Variants in AMACR observed in about 807,000 individuals in gnomAD.
AMACR encodes alpha-methylacyl-CoA racemase.
Under a neutral mutation model 22.2 loss-of-function variants are expected in AMACR, and 18 were observed. The ratio of observed to expected loss-of-function variants is 0.81; its 90% confidence interval spans 0.56 to 1.20. AMACR has a LOEUF of 1.20. AMACR is among the 50% of genes most tolerant of loss of function. The pLI is 0.00. For missense variants in AMACR, 499 were observed against 490.6 expected, an observed-to-expected ratio of 1.02 and a Z score of -0.16; for synonymous variants, 213 against 191.3, an observed-to-expected ratio of 1.11 and a Z score of -0.94.
chr5:33,998,563 G>A (rs961657958), intron 4 of AMACR, 78 bp downstream of exon 4: 10 of 1,455,342 alleles, frequency 6.9e-6, no homozygotes, highest in African/African-American at 5.7e-5. Context: ...CATCCTAGAT[G>A]CCAAAAGTCT....
At position 33,989,469 on chromosome 5, in the gene AMACR, T is replaced by A. The variant is rs1028903922; in HGVS notation, c.773A>T (p.Gln258Leu). The A allele has an allele frequency of 6.2e-7, 1 of 1,614,132 alleles. No individual in the cohort carries two copies. Among genetic ancestry groups the A allele is most frequent in the Non-Finnish European group, 8.5e-7 (1 of 1,180,046 alleles). Residue 258 changes from glutamine (Q) to leucine (L), a missense_variant, in exon 5 of 5, where the codon CAG becomes CTG. Gln to Leu is a moderately radical substitution (Grantham distance 113, BLOSUM62 -2). Coordinates refer to ENST00000335606, the MANE Select transcript of AMACR (RefSeq NM_014324.6). The part of the protein sequence containing the change: ...LGLKSDELPN[Q>L]MSMDDWPEMK... ...TTCTGGCCAATCATCCATGCTCATC[T>A]GATTGGGAAGTTCATCAGACTTTAG...
At chr5:34,004,900 C>CA (rs1173790088) in intron 2 of AMACR, among the ~76,000 whole-genome samples, 166 bp from the exon 3 acceptor site, 1 of 152,218 alleles carries the variant, frequency 6.6e-6, no homozygotes, top group Non-Finnish European at 1.5e-5. Flanking sequence ...AACTCATAAA[C>CA]AGGCTTTCCC....
chr5:34,005,826 C>A lies in AMACR; in HGVS notation c.321G>T (p.Leu107=). ...AGCTTCCTGACTGGCCAAATCCACT[C>A]AGCCTGGCATAAATAAGCCTTGGAT... ...RENPRLIYAR[L]SGFGQSGSFC... The change falls in exon 2 of 5, where the codon CTG becomes CTT. Residue 107 remains leucine, a synonymous_variant. Coordinates refer to ENST00000335606, the MANE Select transcript of AMACR (RefSeq NM_014324.6). The A allele has an allele frequency of 6.2e-7, 1 of 1,614,154 alleles. No individual in the cohort carries two copies. Among genetic ancestry groups the A allele is most frequent in the Non-Finnish European group, 8.5e-7 (1 of 1,180,026 alleles).
chr5:33,990,344 AG>A (rs1386076663), intron 4 of AMACR, among the ~76,000 whole-genome samples: 1 of 152,342 alleles, frequency 6.6e-6, no homozygotes, highest in African/African-American at 2.4e-5. Flanking sequence ...CCGGCATGAA[AG>A]GGACTTGAAG....
Position 34,005,731 on chromosome 5 carries a change from T to C in AMACR, c.391+25A>G. 4 of 1,613,428 alleles carry C rather than the reference T, an allele frequency of 2.5e-6. No homozygotes were observed. The South Asian group carries it at 3.3e-5, about 13-fold the overall frequency. On this transcript the variant is annotated intron_variant, in intron 2 of 4. Coordinates refer to ENST00000335606, the MANE Select transcript of AMACR (RefSeq NM_014324.6). Reference sequence around the variant, plus strand: ...ATCTTGATGGAATAAATTAAAAGTGTAGACTAAATTTTTTTTCAACATACC... The same window carrying C: ...ATCTTGATGGAATAAATTAAAAGTGCAGACTAAATTTTTTTTCAACATACC...
At chr5:34,002,786 G>A (rs1292882950) in intron 3 of AMACR, among the ~76,000 whole-genome samples, 2 of 152,118 alleles carry the variant, frequency 1.3e-5, no homozygotes, top group African/African-American at 4.8e-5. Flanking sequence ...CCATGAGTAC[G>A]CCAAGAGCTG....
chr5:34,006,902 G>A (rs1753997179), intron 1 of AMACR, among the ~76,000 whole-genome samples: 1 of 152,222 alleles, frequency 6.6e-6, no homozygotes, highest in African/African-American at 2.4e-5. Context: ...CCACTGGAGT[G>A]ATACCAGCCC....
chr5:34,006,892 C>G (rs762542793), intron 1 of AMACR, among the ~76,000 whole-genome samples: 3 of 152,224 alleles, frequency 2.0e-5, no homozygotes, highest in Non-Finnish European at 4.4e-5. Flanking sequence ...GTCTGAGAAT[C>G]CACTGGAGTG....
In AMACR at chr5:33,994,670, A is replaced by T. The variant is rs1159039178; in HGVS notation, c.739+3971T>A. ...CATGCTATCTCCTATAGCACAAGTCATCTGTCAGCTAAGGATCCTAGGTAA... is the reference window on the plus strand; with the variant it reads ...CATGCTATCTCCTATAGCACAAGTCTTCTGTCAGCTAAGGATCCTAGGTAA... On this transcript the variant is annotated intron_variant, in intron 4 of 4. Coordinates refer to ENST00000335606, the MANE Select transcript of AMACR (RefSeq NM_014324.6). Among the ~76,000 whole-genome samples the T allele has an allele frequency of 1.3e-5, 2 of 152,210 alleles. 1 individual carries two copies. Among genetic ancestry groups the T allele is most frequent in the Non-Finnish European group, 2.9e-5 (2 of 68,038 alleles).
In AMACR at chr5:34,007,877, C is replaced by G; in HGVS notation, c.143G>C (p.Arg48Pro). The G allele has an allele frequency of 2.5e-6, 4 of 1,594,788 alleles. No homozygotes were observed. Among genetic ancestry groups the G allele is most frequent in the African/African-American group, 1.3e-5 (1 of 74,764 alleles). ...GTCCAGCACTAGCGAGCGCTTGCCC[C>G]GGCCCAAGCGGCTCACGTCGTAGCG... Reference protein sequence around the residue: ...GSRYDVSRLGRGKRSLVLDLK... With the variant: ...GSRYDVSRLGPGKRSLVLDLK... The change falls in exon 1 of 5, where the codon CGG becomes CCG. Residue 48 changes from arginine to proline, a missense_variant. By Grantham distance (103) the Arg-to-Pro change is moderately radical (BLOSUM62 -2). Coordinates refer to ENST00000335606, the MANE Select transcript of AMACR (RefSeq NM_014324.6).
intron 4 of AMACR, chr5:33,997,558 C>T (rs1253182163): frequency 1.3e-6 from 1 of 775,548 alleles, no homozygotes; most frequent in Middle Eastern, 2.3e-4. Flanking sequence ...ATATCATTTG[C>T]TATCTTCATC....
chr5:33,989,535 G>A, intron 4 of AMACR, 33 bp from the exon 5 acceptor site: 1 of 1,538,170 alleles, frequency 6.5e-7, no homozygotes, highest in Admixed American at 1.7e-5. Context: ...AAATTATTAT[G>A]CTTTGAACAG....
rs750073270 is a variant in AMACR at position 33,989,194 on chromosome 5, T to G, written c.1048A>C (p.Thr350Pro). The G allele has an allele frequency of 1.9e-6, 3 of 1,614,210 alleles. No individual in the cohort carries two copies. The highest frequency in any genetic ancestry group is 2.5e-6 in the Non-Finnish European group (3 of 1,180,032). Residue 350 changes from threonine to proline, a missense_variant, in exon 5 of 5, where the codon ACT (threonine) becomes CCT (proline). Coordinates refer to ENST00000335606, the MANE Select transcript of AMACR (RefSeq NM_014324.6). ...CCAAATTCTTCAAGTATCTCCTCAG[T>G]GTGTTCTCCTATGAAAGGATCCCTT... The part of the protein sequence containing the change: ...FKRDPFIGEH[T>P]EEILEEFGFS...
intron 4 of AMACR, 140 bp from the exon 5 acceptor site, chr5:33,989,642 T>C (rs1263548699): frequency 2.7e-6 from 2 of 740,754 alleles, no homozygotes; most frequent in African/African-American, 3.6e-5. Context: ...GAGAAAAAAA[T>C]GTAAAATCAG....
At position 33,989,141 on chromosome 5, in the gene AMACR, A is replaced by C. The variant is rs1450930660; in HGVS notation, c.1101T>G (p.Leu367=). The C allele has an allele frequency of 6.2e-7, 1 of 1,614,192 alleles. No homozygotes were observed. The highest frequency in any genetic ancestry group is 8.5e-7 in the Non-Finnish European group (1 of 1,180,032). Reference sequence around the variant, plus strand: ...TACTTTCAATGATTTTATCTGAGTTAAGCTGATAAATCTCTTCGCGGCTGA... The same window carrying C: ...TACTTTCAATGATTTTATCTGAGTTCAGCTGATAAATCTCTTCGCGGCTGA... The part of the protein sequence containing the change: ...FGFSREEIYQ[L]NSDKIIESNK... Residue 367 remains leucine (L), a synonymous_variant, in exon 5 of 5, where the codon CTT becomes CTG. Transcript: ENST00000335606.
intron 4 of AMACR, chr5:33,997,052 G>T: frequency 2.8e-6 from 2 of 706,160 alleles, no homozygotes; most frequent in Non-Finnish European, 5.2e-6. Flanking sequence ...AGTCACTTTG[G>T]ACCCAGCATG....
chr5:34,004,777 T>C (rs1278282702), intron 2 of AMACR, 43 bp from the exon 3 acceptor site: 16 of 1,591,344 alleles, frequency 1.0e-5, no homozygotes, highest in Admixed American at 1.7e-5. Context: ...TTAAATTTAA[T>C]CTCTTCTTAA....
At position 33,987,969 on chromosome 5, in the gene AMACR, AG is replaced by A; in HGVS notation, c.*1123del. On this transcript the variant is annotated 3_prime_UTR_variant, in exon 5 of 5. Transcript: ENST00000335606. ...AAACATGAACTAAGAAGCCCTTCTGAGTCTCTGTTTTCTCAACTGTAAGATG... is the reference window on the plus strand; with the variant it reads ...AAACATGAACTAAGAAGCCCTTCTGATCTCTGTTTTCTCAACTGTAAGATG... The A allele has an allele frequency of 5.6e-6, 1 of 180,022 alleles. No individual in the cohort carries two copies. Among genetic ancestry groups the A allele is most frequent in the Non-Finnish European group, 1.2e-5 (1 of 86,800 alleles). The allele number at this position is 180,022 out of a possible 1,614,324, so 11.2% of individuals were successfully genotyped here.
In AMACR at chr5:33,994,304, G is replaced by A. The variant is rs2112043917; in HGVS notation, c.739+4337C>T. ...AGTGATTCTCGTGCCTCAGCCTCCC[G>A]AGCAGCTGGGATTACAGACACGCGC... On this transcript the variant is annotated intron_variant, in intron 4 of 4. Coordinates refer to ENST00000335606, the MANE Select transcript of AMACR (RefSeq NM_014324.6). 2.0e-5 allele frequency among the ~76,000 whole-genome samples: 3 copies of A among 152,056 alleles called. No homozygotes were observed. The South Asian group carries it at 6.3e-4, about 32-fold the overall frequency.
Sources: gnomAD v4.1 joint callset for allele counts (sites outside exome capture counted in the v4.1 genomes callset) on GRCh38, gnomAD v4.1.1 for gene constraint, MANE v1.5 for transcripts, NCBI Gene and HGNC (gene_info 2026-07-23, HGNC 2026-07-21) for gene names.